CCSER1: variants seen among roughly 807,000 people sequenced by gnomAD.
CCSER1 encodes the protein serine-rich coiled-coil domain-containing protein 1.
Under a neutral mutation model 82.0 loss-of-function variants are expected in CCSER1, and 41 were observed. That is an observed-to-expected ratio of 0.50 (90% confidence interval 0.39 to 0.65). The LOEUF (loss-of-function observed/expected upper bound fraction) is 0.65. Ranked by LOEUF, CCSER1 falls within the 30% of genes least tolerant of loss-of-function variation. The pLI is 0.00. For missense variants in CCSER1, 1,119 were observed against 1,064.2 expected, an observed-to-expected ratio of 1.05 and a Z score of -0.72; for synonymous variants, 414 against 383.9, an observed-to-expected ratio of 1.08 and a Z score of -0.92.
At chr4:91,184,589 C>T (rs979893099) in intron 10 of CCSER1, among the ~76,000 whole-genome samples, 3 of 152,290 alleles carry the variant, frequency 2.0e-5, no homozygotes, top group Admixed American at 1.3e-4. Context: ...TTTTCAGTAA[C>T]TAATTTCTCT....
intron 10 of CCSER1, among the ~76,000 whole-genome samples, chr4:91,166,341 C>T (rs1408458325): frequency 6.6e-6 from 1 of 152,132 alleles, no homozygotes; most frequent in African/African-American, 2.4e-5. Flanking sequence ...GTGTCAGTCA[C>T]TGTACTATAT....
chr4:90,746,661 A>G (rs1263902749), intron 7 of CCSER1, among the ~76,000 whole-genome samples: 1 of 152,152 alleles, frequency 6.6e-6, no homozygotes, highest in Non-Finnish European at 1.5e-5. Flanking sequence ...TATTTATCTG[A>G]TAATCAGTGT....
At chr4:90,326,191 T>C (rs948171005) in intron 3 of CCSER1, among the ~76,000 whole-genome samples, 9 of 151,634 alleles carry the variant, frequency 5.9e-5, no homozygotes, top group African/African-American at 1.9e-4. Context: ...CCTGAGTAGC[T>C]GGGACTACAG....
chr4:91,436,688 C>A (rs1020145429), intron 10 of CCSER1, among the ~76,000 whole-genome samples: 2 of 152,116 alleles, frequency 1.3e-5, no homozygotes, highest in African/African-American at 4.8e-5. Context: ...GCTATTTCTG[C>A]TACACCATGT....
At chr4:90,360,210 C>G (rs973242228) in intron 3 of CCSER1, among the ~76,000 whole-genome samples, 2 of 147,696 alleles carry the variant, frequency 1.4e-5, no homozygotes, top group African/African-American at 2.5e-5. Context: ...AGCCACCGCG[C>G]CCGGCCACAA....
At chr4:90,780,408 T>C (rs184617100) in intron 7 of CCSER1, 2 of 1,598,570 alleles carry the variant, frequency 1.3e-6, no homozygotes, top group African/African-American at 1.3e-5. Context: ...TGGTAGAATA[T>C]AAGGACTGTT....
intron 4 of CCSER1, 75 bp downstream of exon 4, chr4:90,400,204 T>A (rs1164709257): frequency 1.5e-6 from 1 of 671,056 alleles, no homozygotes; most frequent in Non-Finnish European, 2.5e-6. Context: ...GCCTAAACAC[T>A]GTTAAGGCTG....
At chr4:91,580,373 C>T (rs561981730) in intron 10 of CCSER1, among the ~76,000 whole-genome samples, 2 of 151,930 alleles carry the variant, frequency 1.3e-5, no homozygotes, top group East Asian at 3.9e-4. Flanking sequence ...ACATTCCATA[C>T]AGTAGCTCAT....
chr4:90,801,398 G>C (rs991550784), intron 7 of CCSER1, among the ~76,000 whole-genome samples: 55 of 152,090 alleles, frequency 3.6e-4, no homozygotes, highest in African/African-American at 1.3e-3. Flanking sequence ...TTTTTTAAAT[G>C]ATAAAGCCTC....
intron 5 of CCSER1, among the ~76,000 whole-genome samples, chr4:90,539,961 T>C (rs1397857034): frequency 1.3e-5 from 2 of 152,002 alleles, no homozygotes; most frequent in Non-Finnish European, 2.9e-5. Context: ...CCTTCTATTC[T>C]AAGAAAGGGG....
At chr4:90,456,637 G>A (rs745873514) in intron 4 of CCSER1, among the ~76,000 whole-genome samples, 22 of 152,198 alleles carry the variant, frequency 1.4e-4, no homozygotes, top group Non-Finnish European at 2.5e-4. Context: ...ACACCCAAGG[G>A]TGATGGGGGA....
chr4:90,768,195 A>G (rs1751533579), intron 7 of CCSER1, among the ~76,000 whole-genome samples: 1 of 152,220 alleles, frequency 6.6e-6, no homozygotes, highest in Admixed American at 6.5e-5. Context: ...GTACTGTGTC[A>G]TAAGGTCACC....
chr4:90,543,418 G>A (rs1379448520), intron 5 of CCSER1, among the ~76,000 whole-genome samples: 1 of 152,162 alleles, frequency 6.6e-6, no homozygotes, highest in Non-Finnish European at 1.5e-5. Context: ...GTGCTAGCTT[G>A]TAGTCATAAA....
chr4:91,139,466 C>G (rs181599919), intron 10 of CCSER1, among the ~76,000 whole-genome samples: 1 of 151,936 alleles, frequency 6.6e-6, no homozygotes, highest in Non-Finnish European at 1.5e-5. Flanking sequence ...TTTCTAAGTG[C>G]GCTGCGATTT....
chr4:90,495,279 T>C (rs2153607893), intron 5 of CCSER1, among the ~76,000 whole-genome samples: 1 of 152,302 alleles, frequency 6.6e-6, no homozygotes, highest in East Asian at 1.9e-4. Context: ...AAGCATGTTG[T>C]GACTAGAGAA....
At chr4:90,878,351 T>G (rs1451170429) in intron 8 of CCSER1, among the ~76,000 whole-genome samples, 1 of 152,158 alleles carries the variant, frequency 6.6e-6, no homozygotes, top group Non-Finnish European at 1.5e-5. Context: ...TATTTTGGCC[T>G]TTTAAAATTT....
intron 10 of CCSER1, among the ~76,000 whole-genome samples, chr4:91,094,977 C>T (rs1204995740): frequency 2.0e-5 from 3 of 152,158 alleles, no homozygotes; most frequent in Non-Finnish European, 4.4e-5. Flanking sequence ...TATGTCCTCC[C>T]ACTGAGCAGG....
chr4:91,520,651 C>A (rs1253922975), intron 10 of CCSER1, among the ~76,000 whole-genome samples: 1 of 152,110 alleles, frequency 6.6e-6, no homozygotes, highest in Admixed American at 6.6e-5. Context: ...AAGTTACTGT[C>A]TGATGTCTGT....
rs1276469961 is a variant in CCSER1 at position 91,233,408 on chromosome 4, C to CAAG, written c.2217+147419_2217+147421dup. ...CACTACAGGACATCTCCTTGGAATT[C>CAAG]AAGAAGAGTCACTGAGTGTGAATTT... On this transcript the variant is annotated intron_variant, in intron 10 of 10. Transcript: ENST00000509176. Among the ~76,000 whole-genome samples, 3 of 151,906 alleles carry CAAG rather than the reference C, an allele frequency of 2.0e-5. No homozygotes were observed. In the South Asian group the frequency reaches 6.2e-4, roughly 32 times the overall value.
Sources: gnomAD v4.1 joint callset for allele counts (sites outside exome capture counted in the v4.1 genomes callset) on GRCh38, gnomAD v4.1.1 for gene constraint, MANE v1.5 for transcripts, NCBI Gene and HGNC (gene_info 2026-07-23, HGNC 2026-07-21) for gene names.